Variants in ABCA1 observed in about 807,000 individuals in gnomAD.
The protein encoded by ABCA1 is ATP binding cassette subfamily A member 1, also known as phospholipid-transporting ATPase ABCA1.
A neutral mutation model predicts 262.5 loss-of-function variants in ABCA1; 133 were observed. That is an observed-to-expected ratio of 0.51 (90% confidence interval 0.44 to 0.59). The LOEUF (loss-of-function observed/expected upper bound fraction) is 0.59, where lower values mean the gene tolerates loss of function less well. Among genes scored for constraint, ABCA1 ranks in the 20% least tolerant of loss-of-function variants. The probability of loss-of-function intolerance (pLI) is 0.00; values close to 1 mark genes in which losing one functional copy is unlikely to be tolerated. For missense variants in ABCA1, 2,452 were observed against 2,777.5 expected, an observed-to-expected ratio of 0.88 and a Z score of 2.63; for synonymous variants, 1,022 against 1,043.5, an observed-to-expected ratio of 0.98 and a Z score of 0.40.
At chr9:104,901,848 A>T (rs1203845946) in intron 2 of ABCA1, among the ~76,000 whole-genome samples, 1 of 152,236 alleles carries the variant, frequency 6.6e-6, no homozygotes, top group African/African-American at 2.4e-5. Flanking sequence ...CAACATGTGG[A>T]AATAACAGTA....
intron 11 of ABCA1, 104 bp from the exon 12 acceptor site, chr9:104,832,875 C>T: frequency 9.2e-7 from 1 of 1,090,260 alleles, no homozygotes; most frequent in South Asian, 1.3e-5. Context: ...TTGTTTTATC[C>T]TCACAGAAAA....
intron 7 of ABCA1, among the ~76,000 whole-genome samples, chr9:104,851,018 A>T (rs887667311): frequency 1.3e-5 from 2 of 152,200 alleles, no homozygotes; most frequent in Non-Finnish European, 2.9e-5. Context: ...AGAATGCACA[A>T]ATGCTTACTG....
rs550385648 is a variant in ABCA1 at position 104,822,807 on chromosome 9, A to T, written c.2657-140T>A. 5.7e-5 allele frequency: 53 copies of T among 922,706 alleles called. No individual in the cohort carries two copies. In the African/African-American group the frequency reaches 7.4e-4, roughly 13 times the overall value. 57.2% of individuals were successfully genotyped at this position (922,706 alleles called of 1,614,324 possible). ...TGGTTTCTCAGGCAGGCAGGAGGCT[A>T]TAAATGTTTATTTAGGGCCTATTTG... is the stretch of plus-strand genomic sequence containing the variant. On this transcript the variant is annotated intron_variant, in intron 18 of 49. Transcript: ENST00000374736.
At chr9:104,824,714 G>T in intron 17 of ABCA1, 136 bp from the exon 18 acceptor site, 1 of 1,084,672 alleles carries the variant, frequency 9.2e-7, no homozygotes, top group Non-Finnish European at 1.4e-6. Context: ...GAAAGAGGGA[G>T]CTAACATTTG....
chr9:104,840,167 G>A, intron 9 of ABCA1, 112 bp downstream of exon 9: 3 of 1,565,794 alleles, frequency 1.9e-6, no homozygotes, highest in Non-Finnish European at 2.6e-6. Context: ...GTGGGCAAAT[G>A]GGCATGTAGA....
At chr9:104,867,621 T>A (rs966827093) in intron 5 of ABCA1, among the ~76,000 whole-genome samples, 1 of 152,238 alleles carries the variant, frequency 6.6e-6, no homozygotes, top group Non-Finnish European at 1.5e-5. Context: ...TTTCTGCTGA[T>A]ACTATCTATA....
rs200426848 is a variant in ABCA1 at position 104,785,481 on chromosome 9, A to T, written c.6560T>A (p.Leu2187Gln). ...GGAGAGGATGCTGAATATCCTGGCC[A>T]GAGAAGATAATGAAGATGGAAGCTG... ...QYQLPSSLSS[L>Q]ARIFSILSQS... The change falls in exon 49 of 50, where the codon CTG (leucine) becomes CAG (glutamine). Residue 2187 changes from leucine to glutamine, a missense_variant. Leu to Gln is a moderately radical substitution (Grantham distance 113, BLOSUM62 -2). Coordinates refer to ENST00000374736, the MANE Select transcript of ABCA1 (RefSeq NM_005502.4). The T allele has an allele frequency of 6.4e-7, 1 of 1,565,846 alleles. No individual in the cohort carries two copies. Among genetic ancestry groups the T allele is most frequent in the Non-Finnish European group, 8.7e-7 (1 of 1,152,154 alleles).
At chr9:104,800,053 A>G in intron 35 of ABCA1, 65 bp from the exon 36 acceptor site, 1 of 1,570,266 alleles carries the variant, frequency 6.4e-7, no homozygotes, top group Non-Finnish European at 8.8e-7. Flanking sequence ...GCAGGTGCAT[A>G]CCCACCAACC....
intron 1 of ABCA1, among the ~76,000 whole-genome samples, chr9:104,921,780 G>C (rs1454664232): frequency 6.6e-6 from 1 of 152,196 alleles, no homozygotes; most frequent in Non-Finnish European, 1.5e-5. Context: ...TCCATATTAA[G>C]TGGGATGAAT....
intron 1 of ABCA1, among the ~76,000 whole-genome samples, chr9:104,914,683 G>A (rs756352823): frequency 8.6e-5 from 13 of 151,974 alleles, no homozygotes; most frequent in Middle Eastern, 3.2e-3. Flanking sequence ...ATGACGCAGC[G>A]CTCCACAATC....
At chr9:104,838,798 G>A (rs1834081930) in intron 9 of ABCA1, among the ~76,000 whole-genome samples, 1 of 151,500 alleles carries the variant, frequency 6.6e-6, no homozygotes, top group Non-Finnish European at 1.5e-5. Context: ...TCTATATGCT[G>A]GAAAGATAAT....
chr9:104,885,834 C>A (rs1326008276), intron 3 of ABCA1, among the ~76,000 whole-genome samples: 1 of 151,990 alleles, frequency 6.6e-6, no homozygotes, highest in Non-Finnish European at 1.5e-5. Context: ...TATTTGTGAC[C>A]CCAAAAGAGT....
At chr9:104,882,056 A>AAAAAAAAAAAAAAAAAAAAAC (rs910844455) in intron 5 of ABCA1, among the ~76,000 whole-genome samples, 4 of 144,538 alleles carry the variant, frequency 2.8e-5, no homozygotes, top group Admixed American at 6.9e-5. Context: ...AAAAAAAAAA[A>AAAAAAAAAAAAAAAAAAAAAC]ACTCAAATCT....
At position 104,791,931 on chromosome 9, in the gene ABCA1, T is replaced by G; in HGVS notation, c.5820+5A>C. 6.2e-7 allele frequency: 1 copy of G among 1,613,206 alleles called. No homozygotes were observed. Among genetic ancestry groups the G allele is most frequent in the Non-Finnish European group, 8.5e-7 (1 of 1,179,524 alleles). On this transcript the variant is annotated splice_donor_5th_base_variant and intron_variant, in intron 43 of 49. Coordinates refer to ENST00000374736, the MANE Select transcript of ABCA1 (RefSeq NM_005502.4). ...ACAAACGCAATATAGACAAAGTGTC[T>G]TTACCTCACCAGGAGGAATGCCCAC...
chr9:104,803,449 T>C, intron 32 of ABCA1, 133 bp from the exon 33 acceptor site: 1 of 931,436 alleles, frequency 1.1e-6, no homozygotes, highest in Non-Finnish European at 1.7e-6. Flanking sequence ...GCTGGCCTTG[T>C]AGGGTTGTGC....
chr9:104,917,247 G>A (rs1000309314), intron 1 of ABCA1, among the ~76,000 whole-genome samples: 3 of 152,084 alleles, frequency 2.0e-5, no homozygotes, highest in African/African-American at 4.8e-5. Context: ...ACTTCTCCTC[G>A]GCTCAGGTGC....
Position 104,852,482 on chromosome 9 carries a change from TCTA to T in ABCA1, c.720+6037_720+6039del, listed in dbSNP as rs1470353882. 7.2e-5 allele frequency among the ~76,000 whole-genome samples: 11 copies of T among 152,352 alleles called. 1 individual carries two copies. The highest frequency in any genetic ancestry group is 2.6e-4 in the Admixed American group (4 of 15,300). ...CTGTTTCTAAACATAGTTAAATACA[TCTA>T]CTACCACATAATTCAGAGGAAAAAA... On this transcript the variant is annotated intron_variant, in intron 7 of 49. Coordinates refer to ENST00000374736, the MANE Select transcript of ABCA1 (RefSeq NM_005502.4).
In ABCA1 at chr9:104,883,167, G is replaced by A. The variant is rs374367869; in HGVS notation, c.303-10C>T. ...GAACAGGCGAGCCACACTGTAAAGG[G>A]TGCAAGAAAAGGCGAAAGGCTTTAG... is the stretch of plus-strand genomic sequence containing the variant. On this transcript the variant is annotated splice_polypyrimidine_tract_variant and intron_variant, in intron 4 of 49. Transcript: ENST00000374736. 9.9e-6 allele frequency: 16 copies of A among 1,611,354 alleles called. No homozygotes were observed. Among genetic ancestry groups the A allele is most frequent in the Non-Finnish European group, 1.4e-5 (16 of 1,177,920 alleles).
chr9:104,920,391 A>C (rs1304011314), intron 1 of ABCA1, among the ~76,000 whole-genome samples: 1 of 152,246 alleles, frequency 6.6e-6, no homozygotes, highest in Admixed American at 6.5e-5. Context: ...GTGATCTAGA[A>C]TAAGAGTGGA....
Sources: allele counts gnomAD v4.1 joint callset (sites outside exome capture counted in the v4.1 genomes callset), GRCh38; gene constraint gnomAD v4.1.1; transcripts MANE v1.5; gene names NCBI Gene and HGNC (gene_info 2026-07-23, HGNC 2026-07-21).